LRRC7: variants seen among roughly 807,000 people sequenced by gnomAD.
LRRC7 encodes leucine rich repeat containing 7, also known as leucine-rich repeat-containing protein 7.
A neutral mutation model predicts 175.7 loss-of-function variants in LRRC7; 23 were observed. The observed-to-expected ratio is 0.13, with a 90% CI of 0.09 to 0.19. LRRC7 has a LOEUF of 0.19. Ranked by LOEUF, LRRC7 falls within the 10% of genes least tolerant of loss-of-function variation. LRRC7 has a pLI of 1.00. For synonymous variants in LRRC7, 685 were observed against 680.9 expected (o/e 1.01, Z -0.09); for missense variants, 1,354 against 1,904.7 (o/e 0.71, Z 5.38).
rs77799320 is a variant in LRRC7, at chr1:69,619,442, G to T, written c.2+50801G>T. 3.8e-3 allele frequency among the ~76,000 whole-genome samples: 582 copies of T among 152,186 alleles called. 5 individuals carry two copies. The highest frequency in any genetic ancestry group is 0.013 in the African/African-American group (555 of 41,526). On this transcript the variant is annotated intron_variant, in intron 1 of 26. Coordinates refer to ENST00000651989, the MANE Select transcript of LRRC7 (RefSeq NM_001370785.2). ...TGTCCTTATCATTATCATTCATTCT[G>T]CATGAAGAAATGGGAACTACATGTA... is the stretch of plus-strand genomic sequence containing the variant.
chr1:69,904,322 G>C (rs535162718), intron 7 of LRRC7, among the ~76,000 whole-genome samples: 1 of 152,122 alleles, frequency 6.6e-6, no homozygotes, highest in Admixed American at 6.5e-5. Flanking sequence ...ATACTAATTT[G>C]AAAAATGTTA....
At position 70,124,737 on chromosome 1, in the gene LRRC7, AG is replaced by A. The variant is rs1172022413; in HGVS notation, c.*2851del. On this transcript the variant is annotated 3_prime_UTR_variant, in exon 27 of 27. Transcript: ENST00000651989. ...TCTGGTTATTTTAACAATAAAAAAA[AG>A]TCAAGGGTGTGCCTTTTAAAAAAAA... 6.6e-5 allele frequency among the ~76,000 whole-genome samples: 10 copies of A among 150,586 alleles called. No individual in the cohort carries two copies. Among genetic ancestry groups the A allele is most frequent in the African/African-American group, 2.4e-4 (10 of 41,354 alleles).
chr1:69,778,572 A>G (rs555926692), intron 3 of LRRC7, among the ~76,000 whole-genome samples: 2 of 152,314 alleles, frequency 1.3e-5, no homozygotes, highest in African/African-American at 4.8e-5. Flanking sequence ...GCAGAAGTGC[A>G]TTGCTGAAGA....
intron 7 of LRRC7, among the ~76,000 whole-genome samples, chr1:69,853,567 G>T (rs191847845): frequency 6.6e-6 from 1 of 152,000 alleles, no homozygotes; most frequent in Non-Finnish European, 1.5e-5. Context: ...GTGAGCCACC[G>T]CACCCTGCCC....
At chr1:69,731,456 T>C (rs1302157373) in intron 2 of LRRC7, among the ~76,000 whole-genome samples, 2 of 152,172 alleles carry the variant, frequency 1.3e-5, no homozygotes, top group Non-Finnish European at 2.9e-5. Context: ...GGTGGAGATA[T>C]AGCCCAACCA....
At chr1:69,906,630 G>A (rs969490556) in intron 7 of LRRC7, among the ~76,000 whole-genome samples, 1 of 151,978 alleles carries the variant, frequency 6.6e-6, no homozygotes, top group Non-Finnish European at 1.5e-5. Flanking sequence ...TCTCTGTTTT[G>A]GTACCAGTAC....
At chr1:69,790,627 A>G (rs1674997266) in intron 3 of LRRC7, among the ~76,000 whole-genome samples, 1 of 151,940 alleles carries the variant, frequency 6.6e-6, no homozygotes, top group African/African-American at 2.4e-5. Flanking sequence ...CACTGTATGC[A>G]GATATAGATG....
chr1:69,808,238 T>A (rs2101127145), intron 4 of LRRC7, among the ~76,000 whole-genome samples: 1 of 151,560 alleles, frequency 6.6e-6, no homozygotes, highest in African/African-American at 2.4e-5. Flanking sequence ...TGCATTAGGT[T>A]AATAAAACCC....
intron 7 of LRRC7, among the ~76,000 whole-genome samples, chr1:69,891,842 TG>T (rs1307417031): frequency 8.0e-6 from 1 of 124,286 alleles, no homozygotes; most frequent in Non-Finnish European, 1.9e-5. Flanking sequence ...CACATGCTGT[TG>T]GAAAAATGGT....
chr1:69,683,075 C>A (rs530583400), intron 2 of LRRC7, among the ~76,000 whole-genome samples: 1 of 152,110 alleles, frequency 6.6e-6, no homozygotes, highest in African/African-American at 2.4e-5. Context: ...ATGCAACAAA[C>A]GCAACAAATT....
chr1:69,672,370 T>C (rs1294030379), intron 1 of LRRC7, among the ~76,000 whole-genome samples: 1 of 152,222 alleles, frequency 6.6e-6, no homozygotes, highest in Admixed American at 6.5e-5. Flanking sequence ...ATATTGAACA[T>C]TTCCATCATT....
intron 7 of LRRC7, among the ~76,000 whole-genome samples, chr1:69,893,658 C>T (rs1645898942): frequency 6.6e-6 from 1 of 152,106 alleles, no homozygotes; most frequent in South Asian, 2.1e-4. Context: ...GTAAATAGCT[C>T]AGAATGTTTC....
intron 4 of LRRC7, 35 bp from the exon 5 acceptor site, chr1:69,825,713 A>T (rs748492968): frequency 1.5e-6 from 2 of 1,373,632 alleles, no homozygotes; most frequent in East Asian, 2.3e-5. Context: ...ATTTGTTGGA[A>T]CATTTTCATG....
chr1:69,848,743 C>A (rs1177847745), intron 7 of LRRC7, among the ~76,000 whole-genome samples: 1 of 151,938 alleles, frequency 6.6e-6, no homozygotes, highest in African/African-American at 2.4e-5. Flanking sequence ...CGAACAGATG[C>A]AAGGGGGAAT....
chr1:69,569,044 G>A (rs1254988944), intron 1 of LRRC7, among the ~76,000 whole-genome samples: 1 of 148,050 alleles, frequency 6.8e-6, no homozygotes, highest in Non-Finnish European at 1.5e-5. Flanking sequence ...GTGTCTGAGG[G>A]ATGAAGCGCG....
Position 69,678,362 on chromosome 1 carries a change from T to C in LRRC7, c.3-19T>C. ...CAAAAAAAAGAGTATGAAAATACTCTTCTGATTCTCTCTTATAGGATGGAG... is the reference window on the plus strand; with the variant it reads ...CAAAAAAAAGAGTATGAAAATACTCCTCTGATTCTCTCTTATAGGATGGAG... On this transcript the variant is annotated intron_variant, in intron 1 of 26. Coordinates refer to ENST00000651989, the MANE Select transcript of LRRC7 (RefSeq NM_001370785.2). 6.6e-7 allele frequency: 1 copy of C among 1,505,424 alleles called. No homozygotes were observed. Among genetic ancestry groups the C allele is most frequent in the East Asian group, 2.4e-5 (1 of 42,380 alleles). 93.3% of individuals were successfully genotyped at this position (1,505,424 alleles called of 1,614,324 possible).
chr1:69,776,892 T>A (rs1672872568), intron 3 of LRRC7, among the ~76,000 whole-genome samples: 2 of 149,364 alleles, frequency 1.3e-5, no homozygotes. Context: ...GTTAAGTTTC[T>A]GTTTCTTTAA....
intron 24 of LRRC7, among the ~76,000 whole-genome samples, chr1:70,078,841 C>CAA (rs1404066930): frequency 1.3e-5 from 2 of 151,836 alleles, no homozygotes; most frequent in Admixed American, 6.6e-5. Context: ...CACACACACA[C>CAA]ACACACACAC....
In LRRC7 at chr1:69,621,650, G is replaced by C. The variant is rs369130882; in HGVS notation, c.2+53009G>C. Among the ~76,000 whole-genome samples, 12 of 152,092 alleles carry C rather than the reference G, an allele frequency of 7.9e-5. 1 individual carries two copies. Among genetic ancestry groups the C allele is most frequent in the East Asian group, 3.9e-4 (2 of 5,186 alleles). ...TGTTAGCTTTCAAATTGCCTTGTCAGGTTATATTATATTTATTTGTGAAAG... is the reference window on the plus strand; with the variant it reads ...TGTTAGCTTTCAAATTGCCTTGTCACGTTATATTATATTTATTTGTGAAAG... On this transcript the variant is annotated intron_variant, in intron 1 of 26. Transcript: ENST00000651989.
Sources: allele counts gnomAD v4.1 joint callset (sites outside exome capture counted in the v4.1 genomes callset), GRCh38; gene constraint gnomAD v4.1.1; transcripts MANE v1.5; gene names NCBI Gene and HGNC (gene_info 2026-07-23, HGNC 2026-07-21).